STEAP1B: variants seen among roughly 807,000 people sequenced by gnomAD.
STEAP1B encodes STEAP family protein MGC87042.
In STEAP1B, 13 loss-of-function variants were observed where a neutral mutation model predicts 27.9. That is an observed-to-expected ratio of 0.47 (90% CI 0.30 to 0.74). The LOEUF is 0.74. STEAP1B is among the 30% of genes least tolerant of loss of function. The pLI is 0.06. For missense variants in STEAP1B, 250 were observed against 298.7 expected (o/e 0.84, Z 1.20); for synonymous variants, 86 against 107.1 (o/e 0.80, Z 1.22).
intron 4 of STEAP1B, among the ~76,000 whole-genome samples, chr7:22,440,784 T>G (rs1296194628): frequency 6.6e-6 from 1 of 151,960 alleles, no homozygotes; most frequent in African/African-American, 2.4e-5. Flanking sequence ...GACACTGAAA[T>G]AACATTCTTC....
chr7:22,473,641 A>T (rs186626161), intron 4 of STEAP1B, among the ~76,000 whole-genome samples: 2 of 152,312 alleles, frequency 1.3e-5, no homozygotes, highest in Admixed American at 6.5e-5. Flanking sequence ...CTGGTCTCCA[A>T]CCCCAGAGAC....
At chr7:22,428,283 C>T (rs1407556666) in intron 4 of STEAP1B, among the ~76,000 whole-genome samples, 2 of 152,190 alleles carry the variant, frequency 1.3e-5, no homozygotes, top group Non-Finnish European at 2.9e-5. Flanking sequence ...TATGCCAATA[C>T]GCTTTGATAA....
At chr7:22,448,101 G>A (rs544118635) in intron 4 of STEAP1B, among the ~76,000 whole-genome samples, 106 of 152,274 alleles carry the variant, frequency 7.0e-4, no homozygotes, top group South Asian at 1.0e-3. Flanking sequence ...TCATAGCGAG[G>A]CAACATTGTT....
intron 4 of STEAP1B, among the ~76,000 whole-genome samples, chr7:22,424,606 C>T (rs1419872751): frequency 2.0e-5 from 3 of 152,022 alleles, no homozygotes. Flanking sequence ...GTCCCAGATA[C>T]CTGAAAAATA....
intron 4 of STEAP1B, among the ~76,000 whole-genome samples, chr7:22,421,947 G>C (rs1344413123): frequency 6.6e-6 from 1 of 152,204 alleles, no homozygotes; most frequent in Admixed American, 6.5e-5. Context: ...TTTGAATTTA[G>C]AATTATCACA....
chr7:22,492,430 T>C, intron 4 of STEAP1B, 135 bp downstream of exon 4: 2 of 1,300,922 alleles, frequency 1.5e-6, no homozygotes, highest in Non-Finnish European at 2.0e-6. Context: ...GAGAGCACAT[T>C]ATTAACTGGA....
intron 4 of STEAP1B, among the ~76,000 whole-genome samples, chr7:22,449,607 A>C (rs1785455840): frequency 6.6e-6 from 1 of 152,210 alleles, no homozygotes; most frequent in Admixed American, 6.5e-5. Context: ...AAAACATGAC[A>C]GTGCAGATAT....
intron 4 of STEAP1B, among the ~76,000 whole-genome samples, chr7:22,424,291 A>C (rs1785079766): frequency 6.6e-6 from 1 of 152,222 alleles, no homozygotes; most frequent in South Asian, 2.1e-4. Context: ...TAGTTTGTAA[A>C]GACTTCATAG....
intron 4 of STEAP1B, among the ~76,000 whole-genome samples, chr7:22,486,993 TAA>T (rs1262443932): frequency 6.6e-6 from 1 of 152,188 alleles, no homozygotes; most frequent in Non-Finnish European, 1.5e-5. Flanking sequence ...CTATAAATGT[TAA>T]GAGACATCCT....
At position 22,488,125 on chromosome 7, in the gene STEAP1B, G is replaced by C. The variant is rs936541264; in HGVS notation, c.762+4440C>G. Among the ~76,000 whole-genome samples the C allele has an allele frequency of 2.6e-5, 4 of 152,136 alleles. No individual in the cohort carries two copies. In the South Asian group the frequency reaches 8.3e-4, roughly 32 times the overall value. On this transcript the variant is annotated intron_variant, in intron 4 of 4. Transcript: ENST00000678116. ...AACAGGTGGCCAGGCTATTGTCCCA[G>C]TCCTCCGAGTCCCTTCTCTCCTGGC...
At chr7:22,494,670 G>C in intron 2 of STEAP1B, 102 bp downstream of exon 2, 4 of 804,596 alleles carry the variant, frequency 5.0e-6, no homozygotes, top group Non-Finnish European at 7.6e-6. Flanking sequence ...CAGCAGACTA[G>C]GGTGAAAAAT....
At chr7:22,477,026 T>C (rs78513170) in intron 4 of STEAP1B, among the ~76,000 whole-genome samples, 1,767 of 152,290 alleles carry the variant, frequency 0.012, 14 homozygotes, top group Middle Eastern at 0.031. Context: ...CAAAGCCACA[T>C]AGGGAGAGAC....
chr7:22,475,329 G>T (rs1785952682), intron 4 of STEAP1B, among the ~76,000 whole-genome samples: 1 of 152,174 alleles, frequency 6.6e-6, no homozygotes, highest in African/African-American at 2.4e-5. Flanking sequence ...TCTTGCACTA[G>T]GCAATGCCGT....
At chr7:22,468,264 G>GCCCTT (rs920109768) in intron 4 of STEAP1B, among the ~76,000 whole-genome samples, 5 of 152,010 alleles carry the variant, frequency 3.3e-5, no homozygotes, top group African/African-American at 1.2e-4. Flanking sequence ...TATTCTGAGT[G>GCCCTT]CTTTACACAT....
At chr7:22,436,632 GAGAACATGT>G (rs1785258661) in intron 4 of STEAP1B, among the ~76,000 whole-genome samples, 1 of 150,076 alleles carries the variant, frequency 6.7e-6, no homozygotes. Flanking sequence ...ACTTACAAGT[GAGAACATGT>G]GGTATTTGGT....
intron 4 of STEAP1B, among the ~76,000 whole-genome samples, chr7:22,480,108 T>C (rs1442734255): frequency 1.3e-5 from 2 of 152,222 alleles, no homozygotes; most frequent in Non-Finnish European, 2.9e-5. Flanking sequence ...AGGAAGGTTA[T>C]TGAATGGACA....
intron 4 of STEAP1B, among the ~76,000 whole-genome samples, chr7:22,482,819 A>G (rs1786106297): frequency 6.6e-6 from 1 of 152,160 alleles, no homozygotes; most frequent in African/African-American, 2.4e-5. Context: ...TCCCCACCCT[A>G]CACACACTCC....
intron 4 of STEAP1B, among the ~76,000 whole-genome samples, chr7:22,476,238 C>A (rs145667513): frequency 6.6e-6 from 1 of 152,150 alleles, no homozygotes; most frequent in African/African-American, 2.4e-5. Context: ...TAAGCAACAC[C>A]GATGTTGTAC....
At chr7:22,466,810 T>C (rs983547059) in intron 4 of STEAP1B, among the ~76,000 whole-genome samples, 3 of 152,156 alleles carry the variant, frequency 2.0e-5, no homozygotes, top group Non-Finnish European at 4.4e-5. Context: ...TGCAGTGTGG[T>C]TGTTAAAAGC....
Sources: gnomAD v4.1 joint callset for allele counts (sites outside exome capture counted in the v4.1 genomes callset) on GRCh38, gnomAD v4.1.1 for gene constraint, MANE v1.5 for transcripts, NCBI Gene and HGNC (gene_info 2026-07-23, HGNC 2026-07-21) for gene names.